MYO7B: variants seen among roughly 807,000 people sequenced by gnomAD.
The protein encoded by MYO7B is myosin VIIB, also known as unconventional myosin-VIIb.
A neutral mutation model predicts 259.7 loss-of-function variants in MYO7B; 212 were observed. The observed-to-expected ratio is 0.82, with a 90% CI of 0.73 to 0.91. MYO7B has a LOEUF of 0.91. Among genes scored for constraint, MYO7B ranks in the 40% least tolerant of loss-of-function variants. MYO7B has a pLI of 0.00. For missense variants in MYO7B, 2,732 were observed against 2,813.5 expected, an observed-to-expected ratio of 0.97 and a Z score of 0.66; for synonymous variants, 1,197 against 1,166.4, an observed-to-expected ratio of 1.03 and a Z score of -0.54.
intron 18 of MYO7B, among the ~76,000 whole-genome samples, chr2:127,595,117 T>C (rs1188307978): frequency 1.3e-5 from 2 of 152,200 alleles, no homozygotes; most frequent in Non-Finnish European, 1.5e-5. Flanking sequence ...ATTTTTTTCA[T>C]TGGTAGGCTA....
chr2:127,548,453 G>A (rs1371206365), intron 1 of MYO7B, among the ~76,000 whole-genome samples: 1 of 136,372 alleles, frequency 7.3e-6, no homozygotes, highest in Non-Finnish European at 1.5e-5. Context: ...GTCTCACTCT[G>A]TCACCCAGGC....
In MYO7B at chr2:127,620,216, C is replaced by T. The variant is rs113176760; in HGVS notation, c.3399-124C>T. On this transcript the variant is annotated intron_variant, in intron 26 of 47. Transcript: ENST00000409816. Reference sequence around the variant, plus strand: ...AGGAGGAGGCTGGGCAGGGCCCCGGCGCTGGAGAGGTGCCCTGCATATGGG... The same window carrying T: ...AGGAGGAGGCTGGGCAGGGCCCCGGTGCTGGAGAGGTGCCCTGCATATGGG... 1,837 of 1,168,060 alleles carry T rather than the reference C, an allele frequency of 1.6e-3. 25 individuals carry two copies. The African/African-American group carries it at 0.023, about 14-fold the overall frequency. 72.4% of individuals were successfully genotyped at this position (1,168,060 alleles called of 1,614,324 possible).
At chr2:127,622,170 C>T (rs1010020858) in intron 28 of MYO7B, 69 bp downstream of exon 28, 9 of 1,482,586 alleles carry the variant, frequency 6.1e-6, no homozygotes, top group Admixed American at 2.3e-5. Context: ...CCCAGCACAG[C>T]TCATGGGGTG....
rs751158126 is a variant in MYO7B, at chr2:127,623,318, C to T, written c.3762C>T (p.His1254=). The part of the protein sequence containing the change: ...TSREMCMHIA[H]KQGLSDHLGF... Reference sequence around the variant, plus strand: ...GGGAAATGTGCATGCACATCGCTCACAAGCAGGGCCTCAGCGACCACCTGG... The same window carrying T: ...GGGAAATGTGCATGCACATCGCTCATAAGCAGGGCCTCAGCGACCACCTGG... Residue 1254 remains histidine, a synonymous_variant, in exon 29 of 48, where the codon CAC becomes CAT. Transcript: ENST00000409816. 3 of 1,612,246 alleles carry T rather than the reference C, an allele frequency of 1.9e-6. No homozygotes were observed. The highest frequency in any genetic ancestry group is 2.5e-6 in the Non-Finnish European group (3 of 1,179,156).
At chr2:127,619,062 G>A (rs2463755) in intron 26 of MYO7B, among the ~76,000 whole-genome samples, 19,236 of 128,430 alleles carry the variant, frequency 0.15, 1,306 homozygotes, top group Middle Eastern at 0.25. Context: ...GGATTGTGGG[G>A]GCTGGTTGGG....
intron 1 of MYO7B, among the ~76,000 whole-genome samples, chr2:127,540,049 G>T (rs1315021729): frequency 1.3e-5 from 2 of 152,114 alleles, no homozygotes; most frequent in African/African-American, 4.8e-5. Flanking sequence ...CATGGTGTAC[G>T]TATACCACAT....
chr2:127,626,993 C>A lies in MYO7B; in HGVS notation c.4234C>A (p.Gln1412Lys). Residue 1412 changes from glutamine (Q) to lysine (K), a missense_variant, in exon 32 of 48, where the codon CAA becomes AAA. This residue lies in a region of MYO7B where 1,906 missense variants were observed against 2,026.4 expected (regional missense o/e 0.94). Transcript: ENST00000409816. The part of the protein sequence containing the change: ...ACAKAPYTQK[Q>K]VTPLAVREQV... Reference sequence around the variant, plus strand: ...CCCTCAGGCCCCATACACTCAGAAGCAAGTCACACCACTGGCCGTGCGAGA... The same window carrying A: ...CCCTCAGGCCCCATACACTCAGAAGAAAGTCACACCACTGGCCGTGCGAGA... 6.2e-7 allele frequency: 1 copy of A among 1,611,610 alleles called. No homozygotes were observed. Among genetic ancestry groups the A allele is most frequent in the Non-Finnish European group, 8.5e-7 (1 of 1,179,174 alleles).
rs1681916742 is a variant in MYO7B, at chr2:127,637,485, C to T, written c.*68C>T. ...CTAGCCTGGCGGCACCTTCCCAGGC[C>T]CTCTCAACCCAGGGCCTGTCCTTGG... On this transcript the variant is annotated 3_prime_UTR_variant, in exon 48 of 48. Coordinates refer to ENST00000409816, the MANE Select transcript of MYO7B (RefSeq NM_001393586.1). 1 of 1,203,584 alleles carries T rather than the reference C, an allele frequency of 8.3e-7. No homozygotes were observed. The allele number at this position is 1,203,584 out of a possible 1,614,324, so 74.6% of individuals were successfully genotyped here. A position where few individuals can be genotyped will look rare whatever the true frequency, so the allele number is the denominator to read the frequency against.
chr2:127,606,724 G>A (rs748173127), intron 20 of MYO7B, among the ~76,000 whole-genome samples: 3 of 152,210 alleles, frequency 2.0e-5, no homozygotes, highest in Admixed American at 6.5e-5. Context: ...TGGCCCAGGG[G>A]ATGTTTGCGG....
chr2:127,594,196 C>T (rs1679677634), intron 18 of MYO7B, among the ~76,000 whole-genome samples: 1 of 152,264 alleles, frequency 6.6e-6, no homozygotes, highest in Admixed American at 6.5e-5. Context: ...GAGCTGAAGT[C>T]ACACAAAGGA....
rs1296848298 is a variant in MYO7B, at chr2:127,562,496, T to G, written c.19-1657T>G. Among the ~76,000 whole-genome samples the G allele has an allele frequency of 2.5e-3, 352 of 142,454 alleles. 1 individual carries two copies. The highest frequency in any genetic ancestry group is 4.0e-3 in the Admixed American group (57 of 14,270). The allele number at this position is 142,454 out of a possible 152,430, so 93.5% of individuals were successfully genotyped here. A position where few individuals can be genotyped will look rare whatever the true frequency, so the allele number is the denominator to read the frequency against. On this transcript the variant is annotated intron_variant, in intron 2 of 47. Coordinates refer to ENST00000409816, the MANE Select transcript of MYO7B (RefSeq NM_001393586.1). Reference sequence around the variant, plus strand: ...GGGGTTTTATTGTTTTTTTTTTTTTTTTTTTTTTTTGAGACGGAGTCTTGC... The same window carrying G: ...GGGGTTTTATTGTTTTTTTTTTTTTGTTTTTTTTTTGAGACGGAGTCTTGC...
At chr2:127,632,185 G>A (rs1006821101) in intron 38 of MYO7B, 61 bp from the exon 39 acceptor site, 26 of 1,549,044 alleles carry the variant, frequency 1.7e-5, no homozygotes, top group Middle Eastern at 3.5e-4. Flanking sequence ...GCTCCCCAAG[G>A]TGCCTGCCTG....
chr2:127,575,549 C>A (rs547277421), intron 7 of MYO7B, among the ~76,000 whole-genome samples: 115 of 150,580 alleles, frequency 7.6e-4, no homozygotes, highest in African/African-American at 2.7e-3. Context: ...GTAGCAGAAC[C>A]ACAAATATGT....
In MYO7B at chr2:127,544,371, A is replaced by G. The variant is rs540572796; in HGVS notation, c.-24+8540A>G. 2.3e-3 allele frequency among the ~76,000 whole-genome samples: 347 copies of G among 152,152 alleles called. 5 individuals are homozygous for G. Among genetic ancestry groups the G allele is most frequent in the Non-Finnish European group, 2.0e-3 (136 of 68,014 alleles). The stretch of plus-strand genomic sequence containing the variant: ...AAACTGCCAATATGTGACCTTCTTC[A>G]CTTAGAAAAAGGACACTTTCATATA... On this transcript the variant is annotated intron_variant, in intron 1 of 47. Transcript: ENST00000409816.
chr2:127,556,947 G>T (rs1404148446), intron 1 of MYO7B, among the ~76,000 whole-genome samples: 1 of 152,092 alleles, frequency 6.6e-6, no homozygotes, highest in Non-Finnish European at 1.5e-5. Flanking sequence ...AGGCCAGGAA[G>T]GTTTTCCTTG....
rs1678235595 is a variant in MYO7B at position 127,564,274 on chromosome 2, T to TTCCC, written c.132+10_132+11insCCTC. ...GAAGATGACGAGGGCAAGGTCAGTG[T>TTCCC]TCTGGGGTTTCCTCTGGGCCCTGCC... On this transcript the variant is annotated intron_variant, in intron 3 of 47. Transcript: ENST00000409816. 1.3e-6 allele frequency: 2 copies of TTCCC among 1,553,762 alleles called. No individual in the cohort carries two copies. The highest frequency in any genetic ancestry group is 1.7e-6 in the Non-Finnish European group (2 of 1,146,748).
chr2:127,612,785 A>C (rs1680437686), intron 26 of MYO7B, among the ~76,000 whole-genome samples, 182 bp downstream of exon 26: 1 of 152,212 alleles, frequency 6.6e-6, no homozygotes, highest in South Asian at 2.1e-4. Flanking sequence ...TCTGCCTTTT[A>C]AAAAAGCCAT....
Position 127,586,851 on chromosome 2 carries a change from C to T in MYO7B, c.1691-1541C>T, listed in dbSNP as rs538308046. On this transcript the variant is annotated intron_variant, in intron 14 of 47. Transcript: ENST00000409816. This position sits in a 1 kb window ranked among gnomAD's most constrained non-coding sequence, Gnocchi z 4.8. Reference sequence around the variant, plus strand: ...AACCCAGGAGTGTCTCAACCCTCCCCACCCTTAAAACATCCAGGGAGCTCC... The same window carrying T: ...AACCCAGGAGTGTCTCAACCCTCCCTACCCTTAAAACATCCAGGGAGCTCC... Among the ~76,000 whole-genome samples, 82 of 152,212 alleles carry T rather than the reference C, an allele frequency of 5.4e-4. No individual in the cohort carries two copies. Among genetic ancestry groups the T allele is most frequent in the Non-Finnish European group, 9.0e-4 (61 of 67,998 alleles).
In MYO7B at chr2:127,612,314, G is replaced by A. The variant is rs775439569; in HGVS notation, c.3257G>A (p.Arg1086Gln). 9.4e-5 allele frequency: 93 copies of A among 987,528 alleles called. 1 individual carries two copies. In the Middle Eastern group the frequency reaches 6.9e-3, roughly 74 times the overall value. The allele number at this position is 987,528 out of a possible 1,614,324, so 61.2% of individuals were successfully genotyped here. A position where few individuals can be genotyped will look rare whatever the true frequency, so the allele number is the denominator to read the frequency against. The change falls in exon 25 of 48, where the codon CGG becomes CAG. Residue 1086 changes from arginine (R) to glutamine (Q), a missense_variant. Coordinates refer to ENST00000409816, the MANE Select transcript of MYO7B (RefSeq NM_001393586.1). ...TCCATGAAGCTGAAGCGGTCCTCCC[G>A]GATCACAGGCCAGGTGAGCCCAGAG... is the stretch of plus-strand genomic sequence containing the variant. Reference protein sequence around the residue: ...ISSMKLKRSSRITGQVASQLN... With the variant: ...ISSMKLKRSSQITGQVASQLN...
Sources: allele counts gnomAD v4.1 joint callset (sites outside exome capture counted in the v4.1 genomes callset), GRCh38; gene constraint gnomAD v4.1.1; regional missense constraint gnomAD v4.1.1; non-coding constraint Gnocchi (gnomAD v3.1); transcripts MANE v1.5; gene names NCBI Gene and HGNC (gene_info 2026-07-23, HGNC 2026-07-21).